PRKAG2: variants seen among roughly 807,000 people sequenced by gnomAD.
PRKAG2 encodes the protein protein kinase AMP-activated non-catalytic subunit gamma 2, also known as 5'-AMP-activated protein kinase subunit gamma-2.
PRKAG2 carries 26 observed loss-of-function variants against 69.6 expected under a neutral mutation model. The observed-to-expected ratio is 0.37, with a 90% CI of 0.27 to 0.52. The LOEUF is 0.52. Among genes scored for constraint, PRKAG2 ranks in the 20% least tolerant of loss-of-function variants. The pLI is 0.90. For missense variants in PRKAG2, 557 were observed against 740.0 expected (o/e 0.75, Z 2.87); for synonymous variants, 293 against 285.0 (o/e 1.03, Z -0.28).
intron 1 of PRKAG2, among the ~76,000 whole-genome samples, chr7:151,864,120 C>T (rs987268031): frequency 3.3e-5 from 5 of 152,128 alleles, no homozygotes; most frequent in East Asian, 1.9e-4. Flanking sequence ...TGAAATAGCA[C>T]GAAACAAGCA....
chr7:151,672,277 A>AT (rs1197370765), intron 4 of PRKAG2, among the ~76,000 whole-genome samples: 8 of 150,976 alleles, frequency 5.3e-5, no homozygotes, highest in Non-Finnish European at 1.0e-4. Context: ...AATTTTTTGT[A>AT]TTTTTAGGAG....
intron 3 of PRKAG2, among the ~76,000 whole-genome samples, chr7:151,697,616 G>A (rs73728272): frequency 0.016 from 2,438 of 152,266 alleles, 60 homozygotes; most frequent in African/African-American, 0.053. Flanking sequence ...CCAATCCACT[G>A]TGGACGGTGA....
At chr7:151,599,597 C>A (rs1033793203) in intron 5 of PRKAG2, among the ~76,000 whole-genome samples, 1 of 152,194 alleles carries the variant, frequency 6.6e-6, no homozygotes, top group Admixed American at 6.5e-5. Context: ...AACTGTTCCA[C>A]CTCAGATCAT....
chr7:151,629,839 G>A (rs1053014185), intron 5 of PRKAG2, among the ~76,000 whole-genome samples: 20 of 152,086 alleles, frequency 1.3e-4, no homozygotes, highest in African/African-American at 4.6e-4. Flanking sequence ...TCTCGTCAAG[G>A]GCTCCCTATT....
rs55685618 is a variant in PRKAG2, at chr7:151,827,745, T to TAAAAAAAAAA, written c.115-41214_115-41205dup. Among the ~76,000 whole-genome samples the TAAAAAAAAAA allele has an allele frequency of 6.1e-3, 318 of 52,254 alleles. 32 individuals are homozygous for TAAAAAAAAAA. Among genetic ancestry groups the TAAAAAAAAAA allele is most frequent in the African/African-American group, 0.022 (278 of 12,700 alleles). The allele number at this position is 52,254 out of a possible 152,430, so 34.3% of individuals were successfully genotyped here. A position where few individuals can be genotyped will look rare whatever the true frequency, so the allele number is the denominator to read the frequency against. On this transcript the variant is annotated intron_variant, in intron 1 of 15. Transcript: ENST00000287878. ...AGGAATTTCTTGAGGTGGCCTTAGG[T>TAAAAAAAAAA]AAAAAAAAAAAAAAAAAAAAAAAAA...
intron 3 of PRKAG2, among the ~76,000 whole-genome samples, chr7:151,764,381 C>T (rs1468941263): frequency 6.6e-6 from 1 of 152,184 alleles, no homozygotes; most frequent in Non-Finnish European, 1.5e-5. Flanking sequence ...GGTTGGCGCC[C>T]TTCCTTGGAT....
intron 1 of PRKAG2, among the ~76,000 whole-genome samples, chr7:151,846,288 C>T (rs1022736035): frequency 1.3e-5 from 2 of 151,904 alleles, no homozygotes; most frequent in African/African-American, 2.4e-5. Flanking sequence ...GCCAACATAG[C>T]GAAACCCCGT....
chr7:151,845,191 C>T (rs1457252444), intron 1 of PRKAG2, among the ~76,000 whole-genome samples: 1 of 151,974 alleles, frequency 6.6e-6, no homozygotes, highest in Non-Finnish European at 1.5e-5. Flanking sequence ...CTCTTCACCC[C>T]GACAGCCTCT....
chr7:151,694,560 T>C (rs1206303021), intron 3 of PRKAG2, among the ~76,000 whole-genome samples: 1 of 152,232 alleles, frequency 6.6e-6, no homozygotes, highest in Non-Finnish European at 1.5e-5. Flanking sequence ...TGTCCCTTCA[T>C]GACTGCGTTC....
At chr7:151,848,824 C>T (rs950094827) in intron 1 of PRKAG2, among the ~76,000 whole-genome samples, 7 of 151,970 alleles carry the variant, frequency 4.6e-5, no homozygotes, top group Non-Finnish European at 8.8e-5. Context: ...CGCACCCAGC[C>T]TACTGCATGT....
At chr7:151,874,246 TATGTATATG>T (rs2080311852) in intron 1 of PRKAG2, among the ~76,000 whole-genome samples, 1 of 127,546 alleles carries the variant, frequency 7.8e-6, no homozygotes, top group Admixed American at 8.4e-5. Context: ...TGTATATGTA[TATGTATATG>T]ATGTATATGT....
At chr7:151,595,814 A>T (rs962710656) in intron 5 of PRKAG2, among the ~76,000 whole-genome samples, 6 of 152,208 alleles carry the variant, frequency 3.9e-5, no homozygotes, top group Non-Finnish European at 7.3e-5. Flanking sequence ...GAATTAAATC[A>T]GGGTTAATAA....
chr7:151,641,561 T>C (rs1424327019), intron 4 of PRKAG2, among the ~76,000 whole-genome samples: 1 of 150,286 alleles, frequency 6.7e-6, no homozygotes, highest in East Asian at 2.0e-4. Flanking sequence ...TCTTTCTTTT[T>C]TAAGAGACTG....
intron 3 of PRKAG2, among the ~76,000 whole-genome samples, chr7:151,767,435 C>T (rs567576412): frequency 6.6e-6 from 1 of 152,308 alleles, no homozygotes; most frequent in South Asian, 2.1e-4. Flanking sequence ...GGATTACAGG[C>T]ATCTGCCACC....
intron 1 of PRKAG2, among the ~76,000 whole-genome samples, chr7:151,851,936 A>G (rs2079578214): frequency 1.3e-5 from 2 of 151,732 alleles, no homozygotes; most frequent in African/African-American, 2.4e-5. Flanking sequence ...GCTTCCCTCC[A>G]CTCCCTCTCA....
chr7:151,812,638 C>T (rs1030002030), intron 1 of PRKAG2, among the ~76,000 whole-genome samples: 1 of 152,144 alleles, frequency 6.6e-6, no homozygotes, highest in Non-Finnish European at 1.5e-5. Flanking sequence ...TGGGACAGGA[C>T]CTGAAGAGAA....
rs1157847966 is a variant in PRKAG2, at chr7:151,777,783, A to G, written c.466+3369T>C. Among the ~76,000 whole-genome samples, 3 of 151,986 alleles carry G rather than the reference A, an allele frequency of 2.0e-5. No individual in the cohort carries two copies. The highest frequency in any genetic ancestry group is 2.9e-5 in the Non-Finnish European group (2 of 67,972). On this transcript the variant is annotated intron_variant, in intron 3 of 15. Transcript: ENST00000287878. This position sits in a 1 kb window ranked among gnomAD's most constrained non-coding sequence, Gnocchi z 4.3. ...ATTTGAAAGCAAGGATGATAATAGT[A>G]CCTCCCTGAAACCAACTGTTCCTTG...
At chr7:151,631,716 G>T (rs1405735128) in intron 5 of PRKAG2, 1 of 461,740 alleles carries the variant, frequency 2.2e-6, no homozygotes. Flanking sequence ...ATTCGGGGTT[G>T]CCTCCGAGTG....
chr7:151,782,390 AAG>A (rs2076756881), intron 2 of PRKAG2, among the ~76,000 whole-genome samples: 1 of 124,090 alleles, frequency 8.1e-6, no homozygotes, highest in African/African-American at 2.8e-5. Context: ...AGAAGGAAGG[AAG>A]GAAGGAAGGA....
Sources: gnomAD v4.1 joint callset for allele counts (sites outside exome capture counted in the v4.1 genomes callset) on GRCh38, gnomAD v4.1.1 for gene constraint, Gnocchi (gnomAD v3.1) non-coding constraint, MANE v1.5 for transcripts, NCBI Gene and HGNC (gene_info 2026-07-23, HGNC 2026-07-21) for gene names.